The following TMC8 variants were observed in gnomAD, a reference collection of about 807,000 sequenced individuals.
TMC8 encodes transmembrane channel-like protein 8.
Under a neutral mutation model 76.0 loss-of-function variants are expected in TMC8, and 71 were observed. The ratio of observed to expected loss-of-function variants is 0.93; its 90% CI spans 0.77 to 1.14. TMC8 has a LOEUF of 1.14. Among genes scored for constraint, TMC8 ranks in the 50% most tolerant of loss-of-function variants. TMC8 has a pLI of 0.00. For missense variants in TMC8, 924 were observed against 947.9 expected (o/e 0.97, Z 0.33); for synonymous variants, 433 against 433.8 (o/e 1.00, Z 0.02).
chr17:78,134,052 C>T (rs546068155), intron 7 of TMC8, 52 bp downstream of exon 7: 10 of 1,612,262 alleles, frequency 6.2e-6, no homozygotes, highest in African/African-American at 1.3e-5. Context: ...TATATGGGAG[C>T]GAGTGCGTGA....
chr17:78,132,175 C>A, intron 3 of TMC8, 145 bp downstream of exon 3: 1 of 1,415,898 alleles, frequency 7.1e-7, no homozygotes, highest in Non-Finnish European at 9.6e-7. Flanking sequence ...CCCTTCCGCC[C>A]GCAGGCACCG....
chr17:78,131,413 A>C lies in TMC8; in HGVS notation c.-176A>C, dbSNP rs2074960816. ...GCAGAGCGGCAGACCCGGGCAAGTG[A>C]ACCCTAGGGCTGCAGGAGCCCAGGC... On this transcript the variant is annotated 5_prime_UTR_variant, in exon 2 of 16. Transcript: ENST00000318430. 4.8e-6 allele frequency: 4 copies of C among 838,476 alleles called. No individual in the cohort carries two copies. The Admixed American group carries it at 7.7e-5, about 16-fold the overall frequency. 51.9% of individuals were successfully genotyped at this position (838,476 alleles called of 1,614,324 possible). A position where few individuals can be genotyped will look rare whatever the true frequency, so the allele number is the denominator to read the frequency against.
rs567901342 is a variant in TMC8 at position 78,142,723 on chromosome 17, G to C, written c.*1611G>C. The stretch of plus-strand genomic sequence containing the variant: ...GGTGGCCCCTGGACCAGTGGCCTCA[G>C]CATCACCTGGGAAAAGGTTAGAAAT... On this transcript the variant is annotated 3_prime_UTR_variant, in exon 16 of 16. Transcript: ENST00000318430. 1.3e-5 allele frequency: 2 copies of C among 152,336 alleles called. No homozygotes were observed. Among genetic ancestry groups the C allele is most frequent in the South Asian group, 2.1e-4 (1 of 4,824 alleles). 9.4% of individuals were successfully genotyped at this position (152,336 alleles called of 1,614,324 possible).
Position 78,133,436 on chromosome 17 carries a change from GC to G in TMC8, c.563del (p.Ala188GlyfsTer38). The G allele has an allele frequency of 6.2e-7, 1 of 1,613,774 alleles. No individual in the cohort carries two copies. The highest frequency in any genetic ancestry group is 8.5e-7 in the Non-Finnish European group (1 of 1,180,030). On this transcript the variant is annotated frameshift_variant, in exon 6 of 16. Transcript: ENST00000318430. LOFTEE classifies it high-confidence loss of function. ...CACCAACACCTATCTCTTCTACGGTGCGTACCGAGTGGGGCCGGAGAGCAGC... is the reference window on the plus strand; with the variant it reads ...CACCAACACCTATCTCTTCTACGGTGGTACCGAGTGGGGCCGGAGAGCAGC... ...AFTNTYLFYGAYRVGPESSSV... is the reference protein window; with the variant it reads ...AFTNTYLFYGXYRVGPESSSV...
rs1244991074 is a variant in TMC8, at chr17:78,131,580, C to T, written c.-9C>T. 2 of 1,543,536 alleles carry T rather than the reference C, an allele frequency of 1.3e-6. No individual in the cohort carries two copies. Among genetic ancestry groups the T allele is most frequent in the Non-Finnish European group, 1.7e-6 (2 of 1,146,584 alleles). ...CCCGGCGCCCCAGCCTCTACCCGTGCCCGCCGAGATGCTGCTGCCGCGGTC... is the reference window on the plus strand; with the variant it reads ...CCCGGCGCCCCAGCCTCTACCCGTGTCCGCCGAGATGCTGCTGCCGCGGTC... On this transcript the variant is annotated 5_prime_UTR_variant, in exon 2 of 16. Transcript: ENST00000318430.
At chr17:78,140,608 G>A (rs1336557905) in intron 15 of TMC8, among the ~76,000 whole-genome samples, 3 of 151,402 alleles carry the variant, frequency 2.0e-5, no homozygotes. Flanking sequence ...GTTGTGGACG[G>A]GACTCCTGAG....
chr17:78,134,428 T>A lies in TMC8; in HGVS notation c.851T>A (p.Met284Lys). The A allele has an allele frequency of 6.2e-7, 1 of 1,613,370 alleles. No individual in the cohort carries two copies. Among genetic ancestry groups the A allele is most frequent in the Non-Finnish European group, 8.5e-7 (1 of 1,180,038 alleles). Reference protein sequence around the residue: ...ELEEGRRFQLMQQQTRAQTAC... With the variant: ...ELEEGRRFQLKQQQTRAQTAC... ...GAGGAGGGCCGTCGCTTCCAGCTGA[T>A]GCAGCAGCAGACCCGGGCCCAGACG... Residue 284 changes from methionine to lysine, a missense_variant, in exon 8 of 16, where the codon ATG (methionine) becomes AAG (lysine). Physicochemically the swap from Met to Lys is moderately conservative, Grantham distance 95. Coordinates refer to ENST00000318430, the MANE Select transcript of TMC8 (RefSeq NM_152468.5).
At position 78,131,648 on chromosome 17, in the gene TMC8, G is replaced by A. The variant is rs1420789594; in HGVS notation, c.60G>A (p.Glu20=). The A allele has an allele frequency of 1.9e-6, 3 of 1,560,912 alleles. No individual in the cohort carries two copies. Among genetic ancestry groups the A allele is most frequent in the Admixed American group, 3.8e-5 (2 of 52,100 alleles). The change falls in exon 2 of 16, where the codon GAG becomes GAA. Residue 20 remains glutamate, a synonymous_variant. Coordinates refer to ENST00000318430, the MANE Select transcript of TMC8 (RefSeq NM_152468.5). ...ERAPGVPEPE[E]LWEAEMERLR... ...CCCCTGGGGTGCCGGAGCCGGAGGA[G>A]CTGTGGGAGGCAGAGATGGAGCGGC...
chr17:78,132,992 G>A, intron 5 of TMC8, 122 bp downstream of exon 5: 1 of 1,142,718 alleles, frequency 8.8e-7, no homozygotes, highest in Non-Finnish European at 1.3e-6. Context: ...TCAGGGGATG[G>A]TCTTACCTAG....
rs757338835 is a variant in TMC8 at position 78,137,303 on chromosome 17, T to C, written c.1196T>C (p.Ile399Thr). 6 of 1,613,900 alleles carry C rather than the reference T, an allele frequency of 3.7e-6. No individual in the cohort carries two copies. The highest frequency in any genetic ancestry group is 2.7e-5 in the African/African-American group (2 of 74,920). The stretch of plus-strand genomic sequence containing the variant: ...TCCCTGGGTCAGACCATACTGTGCA[T>C]TGGCAGAGACAAGAGCAGCTGTGAG... ...SVSLGQTILCIGRDKSSCESY... is the reference protein window; with the variant it reads ...SVSLGQTILCTGRDKSSCESY... The change falls in exon 10 of 16, where the codon ATT becomes ACT. Residue 399 changes from isoleucine to threonine, a missense_variant. Ile to Thr is a moderately conservative substitution (Grantham distance 89). Transcript: ENST00000318430.
Position 78,138,709 on chromosome 17 carries a change from C to G in TMC8, c.1800C>G (p.Ser600Arg). The change falls in exon 14 of 16, where the codon AGC (serine) becomes AGG (arginine). Residue 600 changes from serine (S) to arginine (R), a missense_variant. Transcript: ENST00000318430. ...ACTACCTGGGCTCCCACGCCTTCAG[C>G]TTCCCCCTCCTCATCATGCTCAGGT... Reference protein sequence around the residue: ...ALHYLGSHAFSFPLLIMLSLV... With the variant: ...ALHYLGSHAFRFPLLIMLSLV... 6.2e-7 allele frequency: 1 copy of G among 1,610,408 alleles called. No individual in the cohort carries two copies. The highest frequency in any genetic ancestry group is 8.5e-7 in the Non-Finnish European group (1 of 1,179,996).
At chr17:78,133,346 A>G (rs1380795031) in intron 5 of TMC8, 60 bp from the exon 6 acceptor site, 2 of 1,612,218 alleles carry the variant, frequency 1.2e-6, no homozygotes, top group African/African-American at 1.3e-5. Flanking sequence ...TCATATATGG[A>G]AAGCACTTGA....
rs373630545 is a variant in TMC8, at chr17:78,138,340, C to A, written c.1534-9C>A. ...GCTGACTCCTGGTTGCTATTGCTTG[C>A]GCCCCCAGTACACCCTCCTGAAGAA... On this transcript the variant is annotated splice_polypyrimidine_tract_variant and intron_variant, in intron 12 of 15. Coordinates refer to ENST00000318430, the MANE Select transcript of TMC8 (RefSeq NM_152468.5). 1 of 1,610,534 alleles carries A rather than the reference C, an allele frequency of 6.2e-7. No individual in the cohort carries two copies. Among genetic ancestry groups the A allele is most frequent in the Non-Finnish European group, 8.5e-7 (1 of 1,180,008 alleles).
rs1358582554 is a variant in TMC8, at chr17:78,131,624, C to A, written c.36C>A (p.Ala12=). 2 of 1,551,838 alleles carry A rather than the reference C, an allele frequency of 1.3e-6. No individual in the cohort carries two copies. The highest frequency in any genetic ancestry group is 2.7e-5 in the African/African-American group (2 of 73,352). The change falls in exon 2 of 16, where the codon GCC becomes GCA. Residue 12 remains alanine (A), a synonymous_variant. Transcript: ENST00000318430. ...LLPRSVSSER[A]PGVPEPEELW... Reference sequence around the variant, plus strand: ...CGCGGTCGGTGTCATCGGAGCGGGCCCCTGGGGTGCCGGAGCCGGAGGAGC... The same window carrying A: ...CGCGGTCGGTGTCATCGGAGCGGGCACCTGGGGTGCCGGAGCCGGAGGAGC...
In TMC8 at chr17:78,133,401, C is replaced by G. The variant is rs756103854; in HGVS notation, c.532-5C>G. ...CGGGCTGGGTATCTTCGTCGCTGTCCCCAGGCCTTCACCAACACCTATCTC... is the reference window on the plus strand; with the variant it reads ...CGGGCTGGGTATCTTCGTCGCTGTCGCCAGGCCTTCACCAACACCTATCTC... On this transcript the variant is annotated splice_region_variant and splice_polypyrimidine_tract_variant and intron_variant, in intron 5 of 15. Coordinates refer to ENST00000318430, the MANE Select transcript of TMC8 (RefSeq NM_152468.5). 3.8e-5 allele frequency: 61 copies of G among 1,613,650 alleles called. No homozygotes were observed. The highest frequency in any genetic ancestry group is 4.7e-5 in the Non-Finnish European group (55 of 1,180,038).
At chr17:78,137,905 A>C in intron 11 of TMC8, 91 bp downstream of exon 11, 11 of 1,595,960 alleles carry the variant, frequency 6.9e-6, no homozygotes, top group Non-Finnish European at 9.4e-6. Context: ...GAGCGGGTCC[A>C]GTGTGGAGCC....
chr17:78,138,170 C>T lies in TMC8; in HGVS notation c.1515C>T (p.Leu505=). 6.2e-7 allele frequency: 1 copy of T among 1,613,860 alleles called. No homozygotes were observed. Among genetic ancestry groups the T allele is most frequent in the Non-Finnish European group, 8.5e-7 (1 of 1,179,972 alleles). The change falls in exon 12 of 16, where the codon CTC becomes CTT. Residue 505 remains leucine (L), a synonymous_variant. Transcript: ENST00000318430. ...LPLLNSVFLF[L]TFYIKKYTLL... is the part of the protein sequence containing the mutation. ...TGCTGAATAGCGTCTTCCTCTTCCT[C>T]ACCTTCTACATCAAGAAGGTGACGG...
At position 78,142,232 on chromosome 17, in the gene TMC8, G is replaced by T. The variant is rs926982886; in HGVS notation, c.*1120G>T. ...GCCACAGCCCAGCGACTCTGATGTG[G>T]TTGGGCTGGGTGTGGCCAGCAGCCA... is the stretch of plus-strand genomic sequence containing the variant. On this transcript the variant is annotated 3_prime_UTR_variant, in exon 16 of 16. Coordinates refer to ENST00000318430, the MANE Select transcript of TMC8 (RefSeq NM_152468.5). The T allele has an allele frequency of 2.6e-5, 4 of 152,238 alleles. No homozygotes were observed. Among genetic ancestry groups the T allele is most frequent in the African/African-American group, 4.8e-5 (2 of 41,450 alleles). The allele number at this position is 152,238 out of a possible 1,614,324, so 9.4% of individuals were successfully genotyped here.
chr17:78,138,820 ACCAGGAG>A, intron 14 of TMC8, 88 bp downstream of exon 14: 1 of 1,580,328 alleles, frequency 6.3e-7, no homozygotes, highest in Non-Finnish European at 8.5e-7. Flanking sequence ...TGCACCCCCA[ACCAGGAG>A]CCAGACGCAG....
Sources: allele counts gnomAD v4.1 joint callset (sites outside exome capture counted in the v4.1 genomes callset), GRCh38; gene constraint gnomAD v4.1.1; transcripts MANE v1.5; gene names NCBI Gene and HGNC (gene_info 2026-07-23, HGNC 2026-07-21).